TRDN: variants seen among roughly 807,000 people sequenced by gnomAD.
TRDN encodes the protein triadin, also known as triadin in skeletal muscle.
Under a neutral mutation model 149.7 loss-of-function variants are expected in TRDN, and 161 were observed. The observed-to-expected ratio is 1.08, with a 90% confidence interval of 0.95 to 1.23. The LOEUF (loss-of-function observed/expected upper bound fraction) is 1.23. Ranked by LOEUF, TRDN falls within the 50% of genes most tolerant of loss-of-function variation. The probability of loss-of-function intolerance (pLI) is 0.00; values close to 1 mark genes in which losing one functional copy is unlikely to be tolerated. For missense variants in TRDN, 896 were observed against 823.5 expected (o/e 1.09, Z -1.08); for synonymous variants, 294 against 250.5 (o/e 1.17, Z -1.64).
At chr6:123,333,961 C>A (rs538426470) in intron 22 of TRDN, among the ~76,000 whole-genome samples, 98 of 152,098 alleles carry the variant, frequency 6.4e-4, no homozygotes, top group Non-Finnish European at 1.2e-3. Context: ...GAGGCACGAA[C>A]ATTGTTATGG....
At chr6:123,605,560 C>T (rs1043964838) in intron 1 of TRDN, among the ~76,000 whole-genome samples, 2 of 145,618 alleles carry the variant, frequency 1.4e-5, no homozygotes, top group Non-Finnish European at 3.0e-5. Flanking sequence ...GCCTAGTGTT[C>T]GAGACCAGCC....
At chr6:123,426,768 G>A (rs374652303) in intron 12 of TRDN, among the ~76,000 whole-genome samples, 55 of 152,068 alleles carry the variant, frequency 3.6e-4, no homozygotes, top group African/African-American at 9.9e-4. Context: ...ATAGCTAACC[G>A]GATATGTGCA....
At chr6:123,242,834 C>T (rs1044628837) in intron 38 of TRDN, among the ~76,000 whole-genome samples, 3 of 151,962 alleles carry the variant, frequency 2.0e-5, no homozygotes, top group African/African-American at 7.3e-5. Flanking sequence ...TCAACTCTTG[C>T]AGGCCTCAAG....
intron 38 of TRDN, among the ~76,000 whole-genome samples, chr6:123,241,289 G>T (rs1775979185): frequency 1.3e-5 from 2 of 150,832 alleles, no homozygotes; most frequent in South Asian, 2.1e-4. Flanking sequence ...CTTTAGTTAT[G>T]GTTAATTATA....
Position 123,585,107 on chromosome 6 carries a change from G to A in TRDN, c.23-13975C>T, listed in dbSNP as rs1361550198. Among the ~76,000 whole-genome samples, 8 of 150,770 alleles carry A rather than the reference G, an allele frequency of 5.3e-5. No individual in the cohort carries two copies. The East Asian group carries it at 9.9e-4, about 19-fold the overall frequency. On this transcript the variant is annotated intron_variant, in intron 1 of 40. Transcript: ENST00000334268. The stretch of plus-strand genomic sequence containing the variant: ...TAAGGGGTGCATGATCGGTTGCCAA[G>A]GAGGGAGTAGAGGTATCTTATACTT...
At chr6:123,489,431 T>A (rs561625446) in intron 9 of TRDN, 3 of 152,140 alleles carry the variant, frequency 2.0e-5, no homozygotes, top group African/African-American at 7.2e-5. Flanking sequence ...TCAATCAGAG[T>A]TTTTTTAGTT....
rs187247255 is a variant in TRDN at position 123,294,740 on chromosome 6, T to A, written c.1511-15658A>T. ...CTAATAACAGTCAATGGCCTGGGGG[T>A]TGGGAATCCCTGTTTTGGGGACCCC... On this transcript the variant is annotated intron_variant, in intron 24 of 40. Transcript: ENST00000334268. Among the ~76,000 whole-genome samples, 595 of 151,982 alleles carry A rather than the reference T, an allele frequency of 3.9e-3. 10 individuals carry two copies. Among genetic ancestry groups the A allele is most frequent in the Non-Finnish European group, 1.9e-3 (127 of 67,958 alleles).
At position 123,279,952 on chromosome 6, in the gene TRDN, A is replaced by G. The variant is rs376194701; in HGVS notation, c.1511-870T>C. Among the ~76,000 whole-genome samples, 6 of 152,186 alleles carry G rather than the reference A, an allele frequency of 3.9e-5. No homozygotes were observed. The East Asian group carries it at 5.8e-4, about 15-fold the overall frequency. ...TACTGGAAATTAAGGAAAACAGACA[A>G]AATACATAAAACAATGGTTTTAAAG... On this transcript the variant is annotated intron_variant, in intron 24 of 40. Coordinates refer to ENST00000334268, the MANE Select transcript of TRDN (RefSeq NM_006073.4).
At chr6:123,512,112 C>T (rs1779212757) in intron 7 of TRDN, among the ~76,000 whole-genome samples, 191 bp downstream of exon 7, 1 of 151,638 alleles carries the variant, frequency 6.6e-6, no homozygotes. Context: ...ATTTTCCTCT[C>T]ACATTATGAG....
At chr6:123,612,178 A>G (rs1784849762) in intron 1 of TRDN, among the ~76,000 whole-genome samples, 1 of 139,726 alleles carries the variant, frequency 7.2e-6, no homozygotes, top group Non-Finnish European at 1.5e-5. Context: ...ATCGCCTGAG[A>G]GGTCACAGGA....
chr6:123,510,300 T>C (rs1779112968), intron 7 of TRDN: 1 of 152,080 alleles, frequency 6.6e-6, no homozygotes, highest in Non-Finnish European at 1.5e-5. Flanking sequence ...TTATTTTACA[T>C]TTAGTAGCTA....
At chr6:123,508,258 C>T (rs1779018661) in intron 7 of TRDN, among the ~76,000 whole-genome samples, 1 of 152,070 alleles carries the variant, frequency 6.6e-6, no homozygotes, top group South Asian at 2.1e-4. Flanking sequence ...GATGGTGCAA[C>T]TAAATGAGTT....
intron 23 of TRDN, among the ~76,000 whole-genome samples, chr6:123,319,088 A>G (rs375375443): frequency 1.4e-4 from 21 of 152,144 alleles, no homozygotes; most frequent in Admixed American, 2.6e-4. Context: ...TCAAGTCTTC[A>G]TTCTGTCATT....
intron 21 of TRDN, among the ~76,000 whole-genome samples, chr6:123,340,005 A>G (rs1003525984): frequency 6.6e-6 from 1 of 152,204 alleles, no homozygotes; most frequent in Non-Finnish European, 1.5e-5. Context: ...ATAATACTCA[A>G]TAGAAATGCA....
chr6:123,229,049 A>G (rs1172398373), intron 38 of TRDN, among the ~76,000 whole-genome samples: 1 of 151,970 alleles, frequency 6.6e-6, no homozygotes, highest in Non-Finnish European at 1.5e-5. Context: ...TCTAACATTG[A>G]AGAATAAAAT....
chr6:123,528,900 A>G lies in TRDN; in HGVS notation c.484+1606T>C, dbSNP rs1207313212. 11 of 1,048,230 alleles carry G rather than the reference A, an allele frequency of 1.0e-5. No individual in the cohort carries two copies. The East Asian group carries it at 7.8e-4, about 74-fold the overall frequency. 64.9% of individuals were successfully genotyped at this position (1,048,230 alleles called of 1,614,324 possible). A position where few individuals can be genotyped will look rare whatever the true frequency, so the allele number is the denominator to read the frequency against. On this transcript the variant is annotated intron_variant, in intron 5 of 40. Transcript: ENST00000334268. ...TTCTTAAGAAATAGTTACTTTTACA[A>G]AACATATTTGGTCTACTCAAGAAAT...
At chr6:123,499,719 A>AATATATATATATATAT (rs71272328) in intron 8 of TRDN, among the ~76,000 whole-genome samples, 19 of 47,598 alleles carry the variant, frequency 4.0e-4, no homozygotes, top group Non-Finnish European at 7.2e-4. Context: ...AAAAAAAAAA[A>AATATATATATATATAT]ATATATATAT....
chr6:123,258,743 T>C (rs2114584665), intron 35 of TRDN, among the ~76,000 whole-genome samples: 1 of 152,280 alleles, frequency 6.6e-6, no homozygotes. Flanking sequence ...CTGGTAGAAT[T>C]CGTCTGTGAA....
chr6:123,514,442 A>G (rs1035637606), intron 6 of TRDN, among the ~76,000 whole-genome samples: 10 of 152,184 alleles, frequency 6.6e-5, no homozygotes, highest in African/African-American at 2.4e-4. Flanking sequence ...AGCCAGAAAG[A>G]CCACAAGAAA....
Sources: gnomAD v4.1 joint callset for allele counts (sites outside exome capture counted in the v4.1 genomes callset) on GRCh38, gnomAD v4.1.1 for gene constraint, MANE v1.5 for transcripts, NCBI Gene and HGNC (gene_info 2026-07-23, HGNC 2026-07-21) for gene names.